Variants in SCAPER observed in about 807,000 individuals in gnomAD.
The protein encoded by SCAPER is S phase cyclin A-associated protein in the endoplasmic reticulum.
SCAPER carries 98 observed loss-of-function variants against 182.2 expected under a neutral mutation model. The ratio of observed to expected loss-of-function variants is 0.54; its 90% CI spans 0.46 to 0.64. The LOEUF is 0.64. SCAPER is among the 30% of genes least tolerant of loss of function. The pLI is 0.00. For missense variants in SCAPER, 1,432 were observed against 1,690.0 expected (o/e 0.85, Z 2.68); for synonymous variants, 605 against 564.6 (o/e 1.07, Z -1.01).
intron 5 of SCAPER, among the ~76,000 whole-genome samples, chr15:76,830,306 C>T (rs2068353971): frequency 6.6e-6 from 1 of 151,744 alleles, no homozygotes; most frequent in Non-Finnish European, 1.5e-5. Context: ...ATTCTGATGC[C>T]CAGAGTAAAG....
intron 24 of SCAPER, among the ~76,000 whole-genome samples, chr15:76,485,936 A>G (rs529687471): frequency 6.6e-6 from 1 of 152,300 alleles, no homozygotes; most frequent in African/African-American, 2.4e-5. Context: ...GGCTGGGTGC[A>G]GTGGCTCATG....
intron 29 of SCAPER, among the ~76,000 whole-genome samples, chr15:76,369,980 T>A (rs1049968822): frequency 6.6e-6 from 1 of 152,212 alleles, no homozygotes; most frequent in Non-Finnish European, 1.5e-5. Context: ...TGTCCGTCAT[T>A]GGGCTCCCTC....
chr15:76,761,294 A>AT (rs756080328), intron 14 of SCAPER, among the ~76,000 whole-genome samples: 41 of 151,540 alleles, frequency 2.7e-4, no homozygotes, highest in African/African-American at 8.5e-4. Context: ...CGTTTTGTTG[A>AT]TTTTTTCCCA....
At chr15:76,530,995 G>GTA (rs1052315815) in intron 23 of SCAPER, among the ~76,000 whole-genome samples, 15 of 150,672 alleles carry the variant, frequency 1.0e-4, no homozygotes, top group Admixed American at 1.3e-4. Context: ...ATATACACGT[G>GTA]TATATATATA....
At chr15:76,446,118 C>G in intron 25 of SCAPER, among the ~76,000 whole-genome samples, 2 of 152,272 alleles carry the variant, frequency 1.3e-5, no homozygotes, top group Admixed American at 1.3e-4. Context: ...AACACTCTCA[C>G]AAATCATAAA....
intron 17 of SCAPER, among the ~76,000 whole-genome samples, chr15:76,726,151 ATAT>A (rs1281222469): frequency 9.1e-5 from 12 of 131,990 alleles, no homozygotes; most frequent in African/African-American, 2.2e-4. Context: ...ATATATATAT[ATAT>A]AAAAAACTCT....
chr15:76,533,774 T>C (rs2043886658), intron 23 of SCAPER, among the ~76,000 whole-genome samples: 1 of 152,012 alleles, frequency 6.6e-6, no homozygotes, highest in African/African-American at 2.4e-5. Context: ...ACTGTGCAAG[T>C]AAAGGGCTAC....
At chr15:76,798,045 C>T (rs1298106742) in intron 7 of SCAPER, among the ~76,000 whole-genome samples, 2 of 151,790 alleles carry the variant, frequency 1.3e-5, no homozygotes, top group Non-Finnish European at 2.9e-5. Flanking sequence ...GACTTTAAAT[C>T]AGCTATTAAC....
chr15:76,642,149 C>T (rs1217322191), intron 21 of SCAPER, among the ~76,000 whole-genome samples: 1 of 152,120 alleles, frequency 6.6e-6, no homozygotes, highest in Admixed American at 6.5e-5. Flanking sequence ...TATAAAGCCC[C>T]AAATACAATC....
intron 7 of SCAPER, chr15:76,797,117 A>G (rs988412082): frequency 2.0e-5 from 3 of 152,198 alleles, no homozygotes; most frequent in Non-Finnish European, 4.4e-5. Flanking sequence ...CAGTAACAAG[A>G]GGTGAAAGCT....
At chr15:76,418,626 T>C (rs1169527791) in intron 26 of SCAPER, among the ~76,000 whole-genome samples, 2 of 152,246 alleles carry the variant, frequency 1.3e-5, no homozygotes, top group African/African-American at 4.8e-5. Flanking sequence ...TTCACCATGT[T>C]CACATGGGTG....
chr15:76,759,552 C>A (rs1330136368), intron 14 of SCAPER, among the ~76,000 whole-genome samples: 3 of 152,094 alleles, frequency 2.0e-5, no homozygotes, highest in Non-Finnish European at 4.4e-5. Flanking sequence ...AATATTGTTA[C>A]AATAGCAATT....
rs1239437863 is a variant in SCAPER at position 76,592,306 on chromosome 15, G to C, written c.2712-18022C>G. ...ATGACTTTATGTAATTGTTAAAGCAGAGTTAGGCCAACTACAGCCCACAGC... is the reference window on the plus strand; with the variant it reads ...ATGACTTTATGTAATTGTTAAAGCACAGTTAGGCCAACTACAGCCCACAGC... On this transcript the variant is annotated intron_variant, in intron 22 of 31. Transcript: ENST00000563290. 3.1e-5 allele frequency among the ~76,000 whole-genome samples: 2 copies of C among 64,948 alleles called. 1 individual carries two copies. The highest frequency in any genetic ancestry group is 7.3e-4 in the East Asian group (2 of 2,752). 42.6% of individuals were successfully genotyped at this position (64,948 alleles called of 152,430 possible). A position where few individuals can be genotyped will look rare whatever the true frequency, so the allele number is the denominator to read the frequency against.
chr15:76,673,196 G>T (rs1435652790), intron 20 of SCAPER, among the ~76,000 whole-genome samples: 1 of 151,844 alleles, frequency 6.6e-6, no homozygotes, highest in Admixed American at 6.6e-5. Flanking sequence ...CCTTTCTGAG[G>T]AATCTACATG....
At chr15:76,438,978 G>A (rs1301941568) in intron 25 of SCAPER, among the ~76,000 whole-genome samples, 2 of 152,096 alleles carry the variant, frequency 1.3e-5, no homozygotes, top group Non-Finnish European at 2.9e-5. Context: ...CTGGGTTTAA[G>A]TTATTTTACA....
chr15:76,583,203 T>C (rs2048383829), intron 22 of SCAPER, among the ~76,000 whole-genome samples: 1 of 152,076 alleles, frequency 6.6e-6, no homozygotes, highest in Non-Finnish European at 1.5e-5. Flanking sequence ...ATTAAAAAAT[T>C]AGCCAGACAT....
intron 27 of SCAPER, among the ~76,000 whole-genome samples, chr15:76,401,580 T>C (rs532432767): frequency 1.2e-4 from 19 of 152,334 alleles, no homozygotes; most frequent in Middle Eastern, 3.4e-3. Context: ...TTGACAGCTC[T>C]AGTCTAGCTC....
At chr15:76,723,040 T>C (rs1233394272) in intron 17 of SCAPER, among the ~76,000 whole-genome samples, 1 of 152,238 alleles carries the variant, frequency 6.6e-6, no homozygotes, top group Non-Finnish European at 1.5e-5. Context: ...ATTTTAGATC[T>C]TTCCTGCTTT....
chr15:76,654,507 A>T (rs1294144375), intron 21 of SCAPER, among the ~76,000 whole-genome samples: 1 of 152,186 alleles, frequency 6.6e-6, no homozygotes. Context: ...GAGAAAAGAG[A>T]ATGCTTACAA....
Sources: allele counts gnomAD v4.1 joint callset (sites outside exome capture counted in the v4.1 genomes callset), GRCh38; gene constraint gnomAD v4.1.1; transcripts MANE v1.5; gene names NCBI Gene and HGNC (gene_info 2026-07-23, HGNC 2026-07-21).